PDE1C: variants seen among roughly 807,000 people sequenced by gnomAD.
The protein encoded by PDE1C is phosphodiesterase 1C.
A neutral mutation model predicts 93.1 loss-of-function variants in PDE1C; 62 were observed. The observed-to-expected ratio is 0.67, with a 90% CI of 0.54 to 0.82. The LOEUF is 0.82. PDE1C is among the 40% of genes least tolerant of loss of function. The probability of loss-of-function intolerance (pLI) is 0.00; values close to 1 mark genes in which losing one functional copy is unlikely to be tolerated. For missense variants in PDE1C, 742 were observed against 884.6 expected (o/e 0.84, Z 2.04); for synonymous variants, 325 against 310.1 (o/e 1.05, Z -0.50).
intron 14 of PDE1C, 108 bp from the exon 15 acceptor site, chr7:31,816,262 GTGTT>G (rs1264180949): frequency 2.5e-5 from 25 of 998,310 alleles, no homozygotes; most frequent in Non-Finnish European, 3.1e-5. Context: ...TGTTTACTGA[GTGTT>G]TGGGTACATT....
In PDE1C at chr7:32,153,624, T is replaced by A. The variant is rs1264134604; in HGVS notation, c.308+16161A>T. Reference sequence around the variant, plus strand: ...AGGCTGGTTTGATAGCTCATAAGTCTACTATGCAGCCTGAGTTAAGAATCA... The same window carrying A: ...AGGCTGGTTTGATAGCTCATAAGTCAACTATGCAGCCTGAGTTAAGAATCA... On this transcript the variant is annotated intron_variant, in intron 3 of 18. Transcript: ENST00000396193. 3.9e-5 allele frequency among the ~76,000 whole-genome samples: 6 copies of A among 152,322 alleles called. No individual in the cohort carries two copies. In the East Asian group the frequency reaches 1.2e-3, roughly 29 times the overall value.
At chr7:31,643,803 C>G in the PDE1C span, 2 of 1,613,850 alleles carry the variant, frequency 1.2e-6, no homozygotes, top group African/African-American at 2.7e-5. Context: ...GCTGTCATCA[C>G]CACCCTCACT....
chr7:32,393,236 T>C (rs1363580264), intron 1 of PDE1C, among the ~76,000 whole-genome samples: 8 of 152,006 alleles, frequency 5.3e-5, no homozygotes, highest in Admixed American at 5.2e-4. Flanking sequence ...CATTCAATGT[T>C]GTCATGGAAT....
At chr7:32,294,109 G>A (rs1197013798) in intron 1 of PDE1C, among the ~76,000 whole-genome samples, 3 of 151,854 alleles carry the variant, frequency 2.0e-5, no homozygotes, top group African/African-American at 4.8e-5. Context: ...GGAGCATCCA[G>A]GAGCAAACCT....
intron 2 of PDE1C, among the ~76,000 whole-genome samples, chr7:31,912,230 C>T (rs977856551): frequency 1.1e-4 from 16 of 152,108 alleles, no homozygotes; most frequent in Non-Finnish European, 2.1e-4. Context: ...ATCAAGTTAA[C>T]CTTACAATCT....
At chr7:32,085,158 T>C (rs1563298997) in intron 3 of PDE1C, among the ~76,000 whole-genome samples, 1 of 151,700 alleles carries the variant, frequency 6.6e-6, no homozygotes, top group East Asian at 1.9e-4. Context: ...CAATAAAAAA[T>C]GATAAAGGAG....
At chr7:31,686,998 T>G in the PDE1C span, 1 of 152,222 alleles carries the variant, frequency 6.6e-6, no homozygotes, top group Non-Finnish European at 1.5e-5. Context: ...TGTAGCTGGT[T>G]TGTCTGAATT....
chr7:32,173,144 T>C (rs1016164042), intron 2 of PDE1C, among the ~76,000 whole-genome samples: 10 of 152,164 alleles, frequency 6.6e-5, no homozygotes, highest in African/African-American at 2.4e-4. Context: ...ATAAAGAAAA[T>C]GTAGCATATA....
At chr7:32,306,979 G>C (rs1042248803) in intron 1 of PDE1C, among the ~76,000 whole-genome samples, 4 of 152,132 alleles carry the variant, frequency 2.6e-5, no homozygotes, top group African/African-American at 9.7e-5. Context: ...TCTGATTCCG[G>C]ACTCTCTCAA....
intron 2 of PDE1C, among the ~76,000 whole-genome samples, chr7:31,896,024 C>CATACAT (rs1240320596): frequency 2.1e-4 from 7 of 33,464 alleles, no homozygotes; most frequent in Admixed American, 7.3e-4. Flanking sequence ...CATACATACA[C>CATACAT]ACACAAACAC....
chr7:31,860,867 G>T (rs1794610860), intron 7 of PDE1C, among the ~76,000 whole-genome samples: 1 of 152,006 alleles, frequency 6.6e-6, no homozygotes, highest in African/African-American at 2.4e-5. Flanking sequence ...TCATTTGTCA[G>T]ATTTTTTGGG....
In PDE1C at chr7:32,383,665, ATG is replaced by A. The variant is rs1784572927; in HGVS notation, c.310+44155_310+44156del. ...GCTGGATGGATGGATGGATGGATGG[ATG>A]CATGGATGGATGGAAGGATGGATGG... On this transcript the variant is annotated intron_variant, in intron 1 of 1. Coordinates refer to the PDE1C transcript ENST00000672256. 3.9e-5 allele frequency among the ~76,000 whole-genome samples: 6 copies of A among 151,940 alleles called. 1 individual carries two copies. The South Asian group carries it at 1.3e-3, about 32-fold the overall frequency.
chr7:32,205,628 G>T (rs1043683511), intron 2 of PDE1C, among the ~76,000 whole-genome samples: 1 of 152,190 alleles, frequency 6.6e-6, no homozygotes, highest in Non-Finnish European at 1.5e-5. Context: ...GTTTGGGTCT[G>T]CTTGTGCCCT....
chr7:31,723,294 ACCTTC>A, the PDE1C span, among the ~76,000 whole-genome samples: 1 of 152,156 alleles, frequency 6.6e-6, no homozygotes, highest in Non-Finnish European at 1.5e-5. Flanking sequence ...CTCCTCAGGT[ACCTTC>A]CACTTTTCCC....
rs1812554365 is a variant in PDE1C, at chr7:32,295,239, C to CT, written c.85+3411_85+3412insA. Among the ~76,000 whole-genome samples, 5 of 152,172 alleles carry CT rather than the reference C, an allele frequency of 3.3e-5. No individual in the cohort carries two copies. The South Asian group carries it at 1.0e-3, about 32-fold the overall frequency. ...AAGCAGAGTTAACAAACTCCCAGAT[C>CT]CCTCTGCTGCAGAATGATGGGCTAG... is the stretch of plus-strand genomic sequence containing the variant. On this transcript the variant is annotated intron_variant, in intron 1 of 18. Transcript: ENST00000396193.
chr7:31,732,611 TTCTCTCTC>T, the PDE1C span, among the ~76,000 whole-genome samples: 4 of 143,906 alleles, frequency 2.8e-5, no homozygotes, highest in East Asian at 2.1e-4. Flanking sequence ...CTTTAAATCT[TTCTCTCTC>T]TCTCTCTCTC....
chr7:31,911,569 C>T (rs1212621272), intron 2 of PDE1C, among the ~76,000 whole-genome samples: 1 of 152,182 alleles, frequency 6.6e-6, no homozygotes, highest in Non-Finnish European at 1.5e-5. Context: ...CTCCCCAGCA[C>T]ACCCTGGATC....
intron 2 of PDE1C, among the ~76,000 whole-genome samples, chr7:31,922,469 A>G (rs1802751252): frequency 6.6e-6 from 1 of 152,198 alleles, no homozygotes; most frequent in African/African-American, 2.4e-5. Flanking sequence ...ACTTTTCTGC[A>G]TGCCTATTTT....
chr7:31,809,739 T>G (rs903513140), intron 15 of PDE1C, among the ~76,000 whole-genome samples: 7 of 152,060 alleles, frequency 4.6e-5, no homozygotes, highest in African/African-American at 1.7e-4. Context: ...GAAAATATAT[T>G]TGCTAAGTTA....
Sources: allele counts gnomAD v4.1 joint callset (sites outside exome capture counted in the v4.1 genomes callset), GRCh38; gene constraint gnomAD v4.1.1; transcripts MANE v1.5; gene names NCBI Gene and HGNC (gene_info 2026-07-23, HGNC 2026-07-21).